The following ATP1B3 variants were observed in gnomAD, a reference collection of about 807,000 sequenced individuals.
ATP1B3 encodes sodium/potassium-transporting ATPase subunit beta-3.
ATP1B3 carries 10 observed loss-of-function variants against 30.2 expected under a neutral mutation model. That is an observed-to-expected ratio of 0.33 (90% CI 0.20 to 0.56). The LOEUF is 0.56. Ranked by LOEUF, ATP1B3 falls within the 20% of genes least tolerant of loss-of-function variation. The pLI is 0.90. For synonymous variants in ATP1B3, 113 were observed against 117.0 expected (o/e 0.97, Z 0.22); for missense variants, 238 against 336.7 (o/e 0.71, Z 2.29).
chr3:141,888,111 A>C (rs1206806385), intron 1 of ATP1B3, among the ~76,000 whole-genome samples: 1 of 152,234 alleles, frequency 6.6e-6, no homozygotes, highest in Non-Finnish European at 1.5e-5. Flanking sequence ...TGATGTTTGC[A>C]ACTTGAATCT....
At chr3:141,881,530 C>G (rs1295857753) in intron 1 of ATP1B3, among the ~76,000 whole-genome samples, 1 of 152,214 alleles carries the variant, frequency 6.6e-6, no homozygotes, top group Admixed American at 6.5e-5. Flanking sequence ...TCTGGGGCAT[C>G]TGACAGTAGG....
intron 1 of ATP1B3, among the ~76,000 whole-genome samples, chr3:141,881,509 G>C (rs1422932089): frequency 6.6e-6 from 1 of 152,162 alleles, no homozygotes; most frequent in Non-Finnish European, 1.5e-5. Context: ...TGGAGATCAG[G>C]CTTCATCCCA....
chr3:141,913,506 A>G, intron 3 of ATP1B3, 146 bp from the exon 4 acceptor site: 1 of 649,208 alleles, frequency 1.5e-6, no homozygotes, highest in South Asian at 2.5e-5. Context: ...TAAAGGGGCA[A>G]ACTTAACATT....
At chr3:141,903,265 C>G (rs1255339268) in intron 1 of ATP1B3, among the ~76,000 whole-genome samples, 1 of 152,118 alleles carries the variant, frequency 6.6e-6, no homozygotes, top group East Asian at 1.9e-4. Context: ...TTTTGTTTAC[C>G]TAAAACCATC....
At chr3:141,886,618 TA>T (rs1231846798) in intron 1 of ATP1B3, among the ~76,000 whole-genome samples, 1 of 152,216 alleles carries the variant, frequency 6.6e-6, no homozygotes, top group Non-Finnish European at 1.5e-5. Flanking sequence ...GATGACCAGA[TA>T]GGACTCATAG....
intron 3 of ATP1B3, among the ~76,000 whole-genome samples, chr3:141,910,135 C>T (rs913743168): frequency 6.6e-6 from 1 of 152,052 alleles, no homozygotes; most frequent in Admixed American, 6.6e-5. Flanking sequence ...TCACGCCTGG[C>T]TAATTTTTTA....
chr3:141,910,252 G>T (rs1022019299), intron 3 of ATP1B3, among the ~76,000 whole-genome samples: 1 of 152,168 alleles, frequency 6.6e-6, no homozygotes, highest in Non-Finnish European at 1.5e-5. Flanking sequence ...GATTACAGGC[G>T]TGAGTTACAG....
Position 141,903,121 on chromosome 3 carries a change from G to T in ATP1B3, c.110-499G>T, listed in dbSNP as rs114655510. The T allele has an allele frequency of 8.7e-3, 1,352 of 155,228 alleles. 22 individuals are homozygous for T. The highest frequency in any genetic ancestry group is 0.032 in the African/African-American group (1,311 of 41,546). 9.6% of individuals were successfully genotyped at this position (155,228 alleles called of 1,614,324 possible). A position where few individuals can be genotyped will look rare whatever the true frequency, so the allele number is the denominator to read the frequency against. ...CCCATCTCAGCCTCTCAAAGTGCTGGCATTACAGGTGGGAGCCATTAACTC... is the reference window on the plus strand; with the variant it reads ...CCCATCTCAGCCTCTCAAAGTGCTGTCATTACAGGTGGGAGCCATTAACTC... On this transcript the variant is annotated intron_variant, in intron 1 of 6. Coordinates refer to ENST00000286371, the MANE Select transcript of ATP1B3 (RefSeq NM_001679.4).
At chr3:141,919,452 T>C (rs904058742) in intron 5 of ATP1B3, among the ~76,000 whole-genome samples, 4 of 152,204 alleles carry the variant, frequency 2.6e-5, no homozygotes, top group African/African-American at 9.6e-5. Flanking sequence ...TAAAAGATGA[T>C]CCTGCAAAAG....
chr3:141,896,389 T>TA (rs1456821466), intron 1 of ATP1B3, among the ~76,000 whole-genome samples: 1 of 151,884 alleles, frequency 6.6e-6, no homozygotes, highest in Non-Finnish European at 1.5e-5. Context: ...GGCACGGTGG[T>TA]ATGTGCCTGT....
intron 1 of ATP1B3, among the ~76,000 whole-genome samples, chr3:141,884,547 G>A (rs370729583): frequency 6.6e-6 from 1 of 152,180 alleles, no homozygotes; most frequent in Admixed American, 6.5e-5. Flanking sequence ...TGCCAAAGGA[G>A]ATTAACATTT....
Position 141,913,844 on chromosome 3 carries a change from C to T in ATP1B3, c.531+8C>T, listed in dbSNP as rs370007829. On this transcript the variant is annotated splice_region_variant and intron_variant, in intron 4 of 6. Coordinates refer to ENST00000286371, the MANE Select transcript of ATP1B3 (RefSeq NM_001679.4). ...CTTGTGAAAATGAACAGAGTACGTA[C>T]ATATTTTACCTCTGCTGCTGCTTTT... 227 of 1,588,268 alleles carry T rather than the reference C, an allele frequency of 1.4e-4. No homozygotes were observed. Among genetic ancestry groups the T allele is most frequent in the Non-Finnish European group, 1.9e-4 (222 of 1,169,840 alleles).
intron 5 of ATP1B3, among the ~76,000 whole-genome samples, chr3:141,917,846 C>T (rs940148105): frequency 1.3e-5 from 2 of 151,294 alleles, no homozygotes; most frequent in African/African-American, 4.9e-5. Flanking sequence ...CGGCTCACTG[C>T]AAGCTCCGCC....
Position 141,925,754 on chromosome 3 carries a change from G to T in ATP1B3, c.*53G>T. 2.5e-6 allele frequency: 4 copies of T among 1,568,960 alleles called. No individual in the cohort carries two copies. Among genetic ancestry groups the T allele is most frequent in the Middle Eastern group, 2.4e-4 (1 of 4,234 alleles). On this transcript the variant is annotated 3_prime_UTR_variant, in exon 7 of 7. Transcript: ENST00000286371. ...ATGTTGTGTTGTCTGTCTTCATTTT[G>T]TAACAGCTGGACCTTCCATTCTAGA...
chr3:141,907,333 T>C lies in ATP1B3; in HGVS notation c.346+59T>C, dbSNP rs529241840. On this transcript the variant is annotated intron_variant, in intron 3 of 6. Coordinates refer to ENST00000286371, the MANE Select transcript of ATP1B3 (RefSeq NM_001679.4). Reference sequence around the variant, plus strand: ...TTTAGTTATAGAAATTAGTACCAAATTGTGGGCCGGGCACGGTAGCTCACG... The same window carrying C: ...TTTAGTTATAGAAATTAGTACCAAACTGTGGGCCGGGCACGGTAGCTCACG... 3.6e-5 allele frequency: 53 copies of C among 1,453,712 alleles called. 1 individual carries two copies. The highest frequency in any genetic ancestry group is 3.3e-4 in the East Asian group (14 of 42,816). The allele number at this position is 1,453,712 out of a possible 1,614,324, so 90.1% of individuals were successfully genotyped here.
intron 2 of ATP1B3, among the ~76,000 whole-genome samples, chr3:141,906,947 A>G (rs1934274601): frequency 1.3e-5 from 2 of 152,222 alleles, no homozygotes; most frequent in Non-Finnish European, 2.9e-5. Flanking sequence ...ATTTAGGGAC[A>G]GTTTCTAATC....
chr3:141,889,728 CAAAAAAAAAA>C (rs1168549266), intron 1 of ATP1B3, among the ~76,000 whole-genome samples: 1 of 48,480 alleles, frequency 2.1e-5, no homozygotes, highest in East Asian at 9.3e-4. Flanking sequence ...GACTCCGTCT[CAAAAAAAAAA>C]AAAAAAAAAA....
At chr3:141,922,088 G>T in intron 6 of ATP1B3, 25 bp downstream of exon 6, 2 of 1,374,202 alleles carry the variant, frequency 1.5e-6, no homozygotes, top group South Asian at 2.6e-5. Flanking sequence ...GTTCTTATGT[G>T]GTGATTACTC....
chr3:141,884,110 C>A (rs1323743268), intron 1 of ATP1B3, among the ~76,000 whole-genome samples: 1 of 151,888 alleles, frequency 6.6e-6, no homozygotes, highest in African/African-American at 2.4e-5. Flanking sequence ...TTAATAGTGC[C>A]CTTCTTCCCT....
Sources: gnomAD v4.1 joint callset for allele counts (sites outside exome capture counted in the v4.1 genomes callset) on GRCh38, gnomAD v4.1.1 for gene constraint, MANE v1.5 for transcripts, NCBI Gene and HGNC (gene_info 2026-07-23, HGNC 2026-07-21) for gene names.